Variants in NTNG1 observed in about 807,000 individuals in gnomAD.
NTNG1 encodes the protein netrin G1.
Under a neutral mutation model 54.0 loss-of-function variants are expected in NTNG1, and 16 were observed. The observed-to-expected ratio is 0.30, with a 90% CI of 0.20 to 0.45. NTNG1 has a LOEUF of 0.45. Among genes scored for constraint, NTNG1 ranks in the 20% least tolerant of loss-of-function variants. NTNG1 has a pLI of 1.00. For missense variants in NTNG1, 530 were observed against 678.7 expected, an observed-to-expected ratio of 0.78 and a Z score of 2.43; for synonymous variants, 255 against 263.1, an observed-to-expected ratio of 0.97 and a Z score of 0.30.
At chr1:107,167,355 G>A (rs1570748455) in intron 2 of NTNG1, among the ~76,000 whole-genome samples, 2 of 151,490 alleles carry the variant, frequency 1.3e-5, no homozygotes, top group Admixed American at 1.3e-4. Context: ...TATTAGTAGT[G>A]GGGATAATAT....
chr1:107,413,743 C>T (rs994667783), intron 5 of NTNG1, among the ~76,000 whole-genome samples: 1 of 152,094 alleles, frequency 6.6e-6, no homozygotes, highest in Non-Finnish European at 1.5e-5. Flanking sequence ...CATCATTTTC[C>T]GACCAGGCAG....
rs561448415 is a variant in NTNG1 at position 107,163,389 on chromosome 1, A to G, written c.246+14550A>G. ...AGGGCCTGGCATATAGTAAATACTC[A>G]ATAAATATTAATTATCTTTATCATT... On this transcript the variant is annotated intron_variant, in intron 2 of 7. Coordinates refer to ENST00000370068, the MANE Select transcript of NTNG1 (RefSeq NM_001113226.3). Among the ~76,000 whole-genome samples the G allele has an allele frequency of 5.9e-5, 9 of 152,106 alleles. No individual in the cohort carries two copies. The South Asian group carries it at 1.7e-3, about 28-fold the overall frequency.
intron 7 of NTNG1, among the ~76,000 whole-genome samples, chr1:107,448,202 C>T (rs1676417157): frequency 6.6e-6 from 1 of 152,062 alleles, no homozygotes; most frequent in Non-Finnish European, 1.5e-5. Flanking sequence ...TAACAATGTT[C>T]TGGTTTAGCC....
intron 4 of NTNG1, among the ~76,000 whole-genome samples, chr1:107,401,291 G>A (rs1007008875): frequency 6.6e-6 from 1 of 152,110 alleles, no homozygotes; most frequent in Non-Finnish European, 1.5e-5. Flanking sequence ...TTTTGTCAGC[G>A]CAGTAAGAGA....
intron 2 of NTNG1, among the ~76,000 whole-genome samples, chr1:107,268,484 ATATT>A (rs1467747914): frequency 2.4e-5 from 1 of 41,884 alleles, no homozygotes; most frequent in African/African-American, 6.0e-5. Flanking sequence ...GTCTCTCATC[ATATT>A]TTTTTTTTTT....
intron 2 of NTNG1, among the ~76,000 whole-genome samples, chr1:107,301,277 T>A (rs1666294673): frequency 6.6e-6 from 1 of 152,328 alleles, no homozygotes; most frequent in African/African-American, 2.4e-5. Flanking sequence ...TACTGGTACT[T>A]ACCACTAACA....
intron 1 of NTNG1, among the ~76,000 whole-genome samples, chr1:107,147,373 C>T (rs770918791): frequency 6.6e-5 from 10 of 151,862 alleles, no homozygotes; most frequent in South Asian, 2.1e-4. Flanking sequence ...CAAAAAGTAA[C>T]GGCAAATGCA....
intron 3 of NTNG1, among the ~76,000 whole-genome samples, chr1:107,338,325 A>G (rs1358561851): frequency 6.6e-6 from 1 of 152,000 alleles, no homozygotes; most frequent in Non-Finnish European, 1.5e-5. Context: ...CCATATGCCT[A>G]AATATGTATA....
At chr1:107,157,331 A>G (rs1301465533) in intron 2 of NTNG1, among the ~76,000 whole-genome samples, 3 of 152,146 alleles carry the variant, frequency 2.0e-5, no homozygotes, top group African/African-American at 7.2e-5. Flanking sequence ...ATTCCTAGGC[A>G]TTTCAGTTTT....
chr1:107,348,220 G>C (rs984788000), intron 3 of NTNG1, among the ~76,000 whole-genome samples: 1 of 151,988 alleles, frequency 6.6e-6, no homozygotes, highest in Non-Finnish European at 1.5e-5. Context: ...CCACCTCCTG[G>C]GTTCAAGCAA....
intron 3 of NTNG1, among the ~76,000 whole-genome samples, chr1:107,345,894 T>C (rs1039089711): frequency 6.6e-6 from 1 of 152,188 alleles, no homozygotes; most frequent in Non-Finnish European, 1.5e-5. Context: ...GAATTGAAAG[T>C]GTTCATTAGT....
intron 2 of NTNG1, among the ~76,000 whole-genome samples, chr1:107,169,929 A>G (rs1463907171): frequency 6.6e-6 from 1 of 152,208 alleles, no homozygotes; most frequent in Non-Finnish European, 1.5e-5. Flanking sequence ...TTGTGCACAG[A>G]CTAAAGCTGC....
chr1:107,452,858 A>G (rs1332261496), intron 7 of NTNG1, among the ~76,000 whole-genome samples: 6 of 152,218 alleles, frequency 3.9e-5, no homozygotes, highest in Admixed American at 1.3e-4. Flanking sequence ...ATTCTGCTAT[A>G]GCAACGCAAA....
chr1:107,279,084 T>A (rs1664667429), intron 2 of NTNG1, among the ~76,000 whole-genome samples: 1 of 152,184 alleles, frequency 6.6e-6, no homozygotes, highest in South Asian at 2.1e-4. Context: ...AAATGAGTAA[T>A]AGGATTACAT....
chr1:107,200,860 TATA>T (rs1557803995), intron 2 of NTNG1, among the ~76,000 whole-genome samples: 2 of 151,844 alleles, frequency 1.3e-5, no homozygotes, highest in African/African-American at 4.8e-5. Context: ...ACTCAGTAAG[TATA>T]TTTTTCTTAG....
chr1:107,178,831 G>A (rs1467098951), intron 2 of NTNG1, among the ~76,000 whole-genome samples: 12 of 152,178 alleles, frequency 7.9e-5, no homozygotes, highest in Non-Finnish European at 1.5e-5. Flanking sequence ...AAATCTTAGT[G>A]GCTTGCAACA....
chr1:107,415,912 G>A (rs984634502), intron 5 of NTNG1, among the ~76,000 whole-genome samples: 4 of 152,180 alleles, frequency 2.6e-5, no homozygotes, highest in East Asian at 1.9e-4. Flanking sequence ...AGTAATATTT[G>A]TCGAGCATTT....
chr1:107,207,565 T>C (rs1224052063), intron 2 of NTNG1, among the ~76,000 whole-genome samples: 1 of 152,212 alleles, frequency 6.6e-6, no homozygotes, highest in Non-Finnish European at 1.5e-5. Flanking sequence ...AAGAGAAAAA[T>C]GAACCCTTCC....
At chr1:107,150,089 G>A (rs17018478) in intron 2 of NTNG1, among the ~76,000 whole-genome samples, 7,360 of 152,154 alleles carry the variant, frequency 0.048, 577 homozygotes, top group African/African-American at 0.17. Context: ...GTGCCTTTGG[G>A]GACTGGTTTG....
Sources: gnomAD v4.1 joint callset for allele counts (sites outside exome capture counted in the v4.1 genomes callset) on GRCh38, gnomAD v4.1.1 for gene constraint, MANE v1.5 for transcripts, NCBI Gene and HGNC (gene_info 2026-07-23, HGNC 2026-07-21) for gene names.